SEC24B: variants seen among roughly 807,000 people sequenced by gnomAD.
The protein encoded by SEC24B is SEC24 homolog B, COPII component, also known as protein transport protein Sec24B.
A neutral mutation model predicts 142.8 loss-of-function variants in SEC24B; 45 were observed. The ratio of observed to expected loss-of-function variants is 0.32; its 90% CI spans 0.25 to 0.40. The LOEUF (loss-of-function observed/expected upper bound fraction) is 0.40. Ranked by LOEUF, SEC24B falls within the 10% of genes least tolerant of loss-of-function variation. SEC24B has a pLI of 1.00. For synonymous variants in SEC24B, 574 were observed against 568.2 expected, an observed-to-expected ratio of 1.01 and a Z score of -0.15; for missense variants, 1,409 against 1,526.8, an observed-to-expected ratio of 0.92 and a Z score of 1.29.
intron 2 of SEC24B, among the ~76,000 whole-genome samples, chr4:109,465,948 T>G (rs965676334): frequency 9.2e-5 from 14 of 152,120 alleles, no homozygotes; most frequent in Admixed American, 7.9e-4. Flanking sequence ...CAGAAGTGGG[T>G]TTTTTTCCCC....
chr4:109,524,759 T>A (rs955926040), intron 14 of SEC24B, 59 bp from the exon 15 acceptor site: 2 of 1,507,362 alleles, frequency 1.3e-6, no homozygotes, highest in African/African-American at 2.8e-5. Context: ...GTTATAAAAA[T>A]GACATGAAAA....
At chr4:109,489,398 T>C (rs866923946) in intron 4 of SEC24B, among the ~76,000 whole-genome samples, 3 of 151,786 alleles carry the variant, frequency 2.0e-5, no homozygotes, top group Admixed American at 6.6e-5. Flanking sequence ...TAAGGAAAAA[T>C]ATGCATAACA....
At chr4:109,502,208 G>A (rs1349362299) in intron 6 of SEC24B, among the ~76,000 whole-genome samples, 1 of 152,210 alleles carries the variant, frequency 6.6e-6, no homozygotes, top group East Asian at 1.9e-4. Flanking sequence ...CCAGTGTTGT[G>A]GGAATTCAGC....
chr4:109,510,182 A>G (rs1035754664), intron 8 of SEC24B, 71 bp downstream of exon 8: 3 of 702,230 alleles, frequency 4.3e-6, no homozygotes. Context: ...TAAATTTTAT[A>G]TTTTCTTAGA....
chr4:109,527,506 C>T (rs1578991807), intron 18 of SEC24B, 74 bp downstream of exon 18: 8 of 1,078,254 alleles, frequency 7.4e-6, no homozygotes, highest in South Asian at 5.4e-5. Context: ...GGTGGCAGTG[C>T]GTCCGCCTGT....
intron 1 of SEC24B, among the ~76,000 whole-genome samples, chr4:109,447,741 G>A (rs919822791): frequency 5.3e-5 from 8 of 151,724 alleles, no homozygotes; most frequent in Non-Finnish European, 1.5e-5. Context: ...GTCAGATGAT[G>A]GAGAGTCTTT....
intron 22 of SEC24B, among the ~76,000 whole-genome samples, chr4:109,535,885 A>G (rs1049325223): frequency 1.3e-5 from 2 of 152,146 alleles, no homozygotes; most frequent in Non-Finnish European, 2.9e-5. Context: ...ACTAAACACA[A>G]ATTTTTCAGT....
chr4:109,438,687 T>G (rs2125888979), intron 1 of SEC24B, among the ~76,000 whole-genome samples: 1 of 152,354 alleles, frequency 6.6e-6, no homozygotes, highest in Non-Finnish European at 1.5e-5. Flanking sequence ...AAACCTAGTC[T>G]TCATGATCAC....
intron 2 of SEC24B, among the ~76,000 whole-genome samples, chr4:109,468,916 T>C (rs1209676200): frequency 1.3e-5 from 2 of 152,084 alleles, no homozygotes. Context: ...AGTATTCTTT[T>C]CAGAGGCCAT....
At position 109,525,512 on chromosome 4, in the gene SEC24B, G is replaced by A. The variant is rs1406592593; in HGVS notation, c.2791+8G>A. The A allele has an allele frequency of 6.4e-7, 1 of 1,573,640 alleles. No homozygotes were observed. The highest frequency in any genetic ancestry group is 8.6e-7 in the Non-Finnish European group (1 of 1,158,174). On this transcript the variant is annotated splice_region_variant and intron_variant, in intron 16 of 23. Transcript: ENST00000265175. ...GAATAAGGTGTACTAAAGGTATGAAGTTGTAAAAGTTATATTTTATATTAA... is the reference window on the plus strand; with the variant it reads ...GAATAAGGTGTACTAAAGGTATGAAATTGTAAAAGTTATATTTTATATTAA...
chr4:109,528,546 A>C (rs1473003960), intron 18 of SEC24B, among the ~76,000 whole-genome samples: 2 of 152,154 alleles, frequency 1.3e-5, no homozygotes, highest in Non-Finnish European at 2.9e-5. Context: ...GTTTTACTGC[A>C]AAGGGGCAAG....
intron 1 of SEC24B, among the ~76,000 whole-genome samples, chr4:109,443,087 C>G (rs1353230056): frequency 1.3e-5 from 2 of 152,188 alleles, no homozygotes; most frequent in Non-Finnish European, 2.9e-5. Flanking sequence ...TTCCCAGTGT[C>G]ACATGCTCCC....
At chr4:109,439,474 A>ATTTTTTTTTTTTTTTTTTTTTTTTG (rs1728721015) in intron 1 of SEC24B, among the ~76,000 whole-genome samples, 1 of 43,972 alleles carries the variant, frequency 2.3e-5, no homozygotes, top group Non-Finnish European at 4.0e-5. Flanking sequence ...TCCTAAGCTG[A>ATTTTTTTTTTTTTTTTTTTTTTTTG]TTTTTTTTTT....
At chr4:109,493,666 T>C (rs921831928) in intron 5 of SEC24B, among the ~76,000 whole-genome samples, 8 of 151,658 alleles carry the variant, frequency 5.3e-5, no homozygotes, top group Non-Finnish European at 7.4e-5. Flanking sequence ...TCTCGCCCTG[T>C]GGCCCAGGCT....
At chr4:109,495,172 TTAAG>T (rs2126011257) in intron 6 of SEC24B, among the ~76,000 whole-genome samples, 1 of 152,304 alleles carries the variant, frequency 6.6e-6, no homozygotes, top group South Asian at 2.1e-4. Flanking sequence ...ATCAGAAAAT[TTAAG>T]TAAATGTTAA....
At position 109,463,325 on chromosome 4, in the gene SEC24B, A is replaced by T; in HGVS notation, c.558A>T (p.Ser186=). The stretch of plus-strand genomic sequence containing the variant: ...CTACTTGTGGTCATTATGCTATGTC[A>T]ACTGTTTCTAATGCCGCGTATCCTA... ...FPSTCGHYAM[S]TVSNAAYPSV... is the part of the protein sequence containing the mutation. Residue 186 remains serine (S), a synonymous_variant, in exon 2 of 24, where the codon TCA becomes TCT. Coordinates refer to ENST00000265175, the MANE Select transcript of SEC24B (RefSeq NM_006323.5). 1 of 1,614,156 alleles carries T rather than the reference A, an allele frequency of 6.2e-7. No individual in the cohort carries two copies. Among genetic ancestry groups the T allele is most frequent in the Non-Finnish European group, 8.5e-7 (1 of 1,180,036 alleles).
intron 11 of SEC24B, among the ~76,000 whole-genome samples, chr4:109,519,764 T>C (rs1723405228): frequency 6.6e-6 from 1 of 152,230 alleles, no homozygotes; most frequent in South Asian, 2.1e-4. Flanking sequence ...GCAGTGATAA[T>C]GCTTCTTGCT....
intron 14 of SEC24B, among the ~76,000 whole-genome samples, chr4:109,523,471 A>C (rs1723879827): frequency 6.6e-6 from 1 of 151,052 alleles, no homozygotes; most frequent in African/African-American, 2.4e-5. Context: ...ACCCGGTCTC[A>C]AAAAAAAAGA....
At chr4:109,529,022 G>T (rs1386352668) in intron 18 of SEC24B, among the ~76,000 whole-genome samples, 1 of 152,118 alleles carries the variant, frequency 6.6e-6, no homozygotes, top group Middle Eastern at 3.2e-3. Context: ...AATTAGCTGG[G>T]TGTGGTGGTG....
Sources: gnomAD v4.1 joint callset for allele counts (sites outside exome capture counted in the v4.1 genomes callset) on GRCh38, gnomAD v4.1.1 for gene constraint, MANE v1.5 for transcripts, NCBI Gene and HGNC (gene_info 2026-07-23, HGNC 2026-07-21) for gene names.